ZBTB20: variants seen among roughly 807,000 people sequenced by gnomAD.
The protein encoded by ZBTB20 is zinc finger and BTB domain containing 20.
ZBTB20 carries 9 observed loss-of-function variants against 56.9 expected under a neutral mutation model. The ratio of observed to expected loss-of-function variants is 0.16; its 90% CI spans 0.10 to 0.28. ZBTB20 has a LOEUF of 0.28. ZBTB20 is among the 10% of genes least tolerant of loss of function. The pLI is 1.00. For missense variants in ZBTB20, 655 were observed against 1,003.0 expected (o/e 0.65, Z 4.69); for synonymous variants, 417 against 420.7 (o/e 0.99, Z 0.11).
intron 6 of ZBTB20, among the ~76,000 whole-genome samples, chr3:114,621,853 A>G (rs1306944309): frequency 6.6e-6 from 1 of 152,208 alleles, no homozygotes; most frequent in African/African-American, 2.4e-5. Flanking sequence ...CACAAAAAAT[A>G]CATCGTCTTG....
At chr3:114,795,230 G>A (rs574346945) in intron 5 of ZBTB20, among the ~76,000 whole-genome samples, 10 of 152,146 alleles carry the variant, frequency 6.6e-5, no homozygotes, top group Non-Finnish European at 1.2e-4. Context: ...TAAAATAAAT[G>A]TATGGATTTT....
At chr3:114,660,516 AT>A (rs962902130) in intron 6 of ZBTB20, among the ~76,000 whole-genome samples, 1 of 152,034 alleles carries the variant, frequency 6.6e-6, no homozygotes, top group Non-Finnish European at 1.5e-5. Context: ...ATTTTTAGGG[AT>A]TTTTTTTCCC....
At chr3:114,553,866 T>C in intron 6 of ZBTB20, among the ~76,000 whole-genome samples, 1 of 152,200 alleles carries the variant, frequency 6.6e-6, no homozygotes, top group East Asian at 1.9e-4. Context: ...TCCCATAATG[T>C]GATATTTATC....
chr3:114,717,041 A>G (rs1560163942), intron 5 of ZBTB20, among the ~76,000 whole-genome samples: 1 of 152,100 alleles, frequency 6.6e-6, no homozygotes, highest in Non-Finnish European at 1.5e-5. Context: ...TTCTACTTAG[A>G]TTCTGAAAAC....
chr3:114,596,012 C>T (rs2056285838), intron 6 of ZBTB20, among the ~76,000 whole-genome samples: 1 of 152,094 alleles, frequency 6.6e-6, no homozygotes, highest in Non-Finnish European at 1.5e-5. Flanking sequence ...AACTGAGAAA[C>T]GTTTGAAGAT....
At chr3:114,449,631 T>A (rs565470874) in intron 7 of ZBTB20, among the ~76,000 whole-genome samples, 1 of 151,124 alleles carries the variant, frequency 6.6e-6, no homozygotes, top group East Asian at 1.9e-4. Flanking sequence ...TGACTACTTA[T>A]TAAGCAAGAG....
intron 1 of ZBTB20, among the ~76,000 whole-genome samples, chr3:115,118,703 A>ATTT (rs35607205): frequency 0.026 from 2,153 of 82,330 alleles, 238 homozygotes; most frequent in African/African-American, 0.054. Flanking sequence ...CCTGGTACAA[A>ATTT]TTTTTTTTTT....
intron 6 of ZBTB20, among the ~76,000 whole-genome samples, chr3:114,589,724 C>T (rs2055548536): frequency 6.6e-6 from 1 of 152,118 alleles, no homozygotes; most frequent in Non-Finnish European, 1.5e-5. Flanking sequence ...CTATTTTTCC[C>T]ACCAACCTGT....
intron 11 of ZBTB20, 56 bp downstream of exon 11, chr3:114,350,218 C>T: frequency 6.5e-7 from 1 of 1,540,868 alleles, no homozygotes; most frequent in South Asian, 1.3e-5. Context: ...CTTACCTTGC[C>T]TTCCCACAGC....
rs146760957 is a variant in ZBTB20, at chr3:114,462,054, G to A, written c.-255+38298C>T. Among the ~76,000 whole-genome samples, 279 of 152,194 alleles carry A rather than the reference G, an allele frequency of 1.8e-3. 2 individuals are homozygous for A. The highest frequency in any genetic ancestry group is 6.2e-3 in the African/African-American group (259 of 41,524). ...TAATAATTAATAATAATAATAAATT[G>A]CTTTATGTGAAAAGTTAATGTAGAA... On this transcript the variant is annotated intron_variant, in intron 7 of 11. Transcript: ENST00000675478.
intron 5 of ZBTB20, among the ~76,000 whole-genome samples, chr3:114,779,350 C>G (rs76124484): frequency 1.3e-5 from 2 of 152,176 alleles, no homozygotes; most frequent in South Asian, 4.1e-4. Flanking sequence ...CCATTTATCA[C>G]TATCTCACCT....
At chr3:114,702,202 GC>G (rs1238802400) in intron 5 of ZBTB20, among the ~76,000 whole-genome samples, 1 of 152,080 alleles carries the variant, frequency 6.6e-6, no homozygotes, top group African/African-American at 2.4e-5. Context: ...AAATTAGCAG[GC>G]ATGGTGGCAC....
At chr3:114,859,184 C>T (rs967219186) in intron 4 of ZBTB20, among the ~76,000 whole-genome samples, 2 of 151,956 alleles carry the variant, frequency 1.3e-5, no homozygotes, top group African/African-American at 4.8e-5. Flanking sequence ...GCCTGCCCAC[C>T]TTTCTTCCTT....
Position 114,868,083 on chromosome 3 carries a change from T to TA in ZBTB20, c.-417+32220dup, listed in dbSNP as rs1053264511. On this transcript the variant is annotated intron_variant, in intron 4 of 11. Coordinates refer to ENST00000675478, the MANE Select transcript of ZBTB20 (RefSeq NM_001348800.3). ...CATGTGTTTCTCCCATCATCTAAGC[T>TA]AAAAAACAAGGAAGCTGCAACAGCT... 5.8e-4 allele frequency among the ~76,000 whole-genome samples: 89 copies of TA among 152,178 alleles called. 2 individuals are homozygous for TA. The highest frequency in any genetic ancestry group is 2.0e-3 in the African/African-American group (83 of 41,548).
intron 10 of ZBTB20, among the ~76,000 whole-genome samples, chr3:114,369,729 G>A (rs2082799102): frequency 1.3e-5 from 2 of 152,292 alleles, no homozygotes; most frequent in African/African-American, 4.8e-5. Flanking sequence ...AGGTGGCCTT[G>A]AGAACAACAC....
intron 3 of ZBTB20, among the ~76,000 whole-genome samples, chr3:114,962,328 A>G (rs1222664581): frequency 6.6e-6 from 1 of 152,114 alleles, no homozygotes; most frequent in Non-Finnish European, 1.5e-5. Context: ...CAAAAATTAG[A>G]ACCCCACCCT....
intron 6 of ZBTB20, among the ~76,000 whole-genome samples, chr3:114,591,330 G>A (rs1192398054): frequency 1.3e-5 from 2 of 152,116 alleles, no homozygotes; most frequent in Admixed American, 1.3e-4. Flanking sequence ...TAAAATTTCA[G>A]TTTGACATTT....
chr3:114,601,730 C>G (rs543033806), intron 6 of ZBTB20, among the ~76,000 whole-genome samples: 1 of 151,976 alleles, frequency 6.6e-6, no homozygotes, highest in Admixed American at 6.6e-5. Context: ...CTTGGGATTT[C>G]AAAGTATAGA....
At chr3:114,824,774 A>G (rs2073435611) in intron 4 of ZBTB20, among the ~76,000 whole-genome samples, 1 of 151,958 alleles carries the variant, frequency 6.6e-6, no homozygotes, top group South Asian at 2.1e-4. Context: ...CTGCAAGAAT[A>G]GCAATATAGC....
Sources: gnomAD v4.1 joint callset for allele counts (sites outside exome capture counted in the v4.1 genomes callset) on GRCh38, gnomAD v4.1.1 for gene constraint, MANE v1.5 for transcripts, NCBI Gene and HGNC (gene_info 2026-07-23, HGNC 2026-07-21) for gene names.